LGI2: variants seen among roughly 807,000 people sequenced by gnomAD.
LGI2 encodes leucine rich repeat LGI family member 2, also known as leucine-rich repeat LGI family member 2.
Under a neutral mutation model 52.0 loss-of-function variants are expected in LGI2, and 30 were observed. The ratio of observed to expected loss-of-function variants is 0.58; its 90% CI spans 0.43 to 0.78. The LOEUF is 0.78. LGI2 is among the 30% of genes least tolerant of loss of function. LGI2 has a pLI of 0.00. For synonymous variants in LGI2, 270 were observed against 271.8 expected, an observed-to-expected ratio of 0.99 and a Z score of 0.06; for missense variants, 573 against 692.5, an observed-to-expected ratio of 0.83 and a Z score of 1.94.
intron 3 of LGI2, among the ~76,000 whole-genome samples, chr4:25,025,160 T>C (rs1399098969): frequency 6.6e-6 from 1 of 152,122 alleles, no homozygotes; most frequent in Non-Finnish European, 1.5e-5. Flanking sequence ...AAAAACATCC[T>C]GGGGAGAAAT....
In LGI2 at chr4:25,003,207, T is replaced by C. The variant is rs893645771; in HGVS notation, c.*244A>G. 30 of 421,522 alleles carry C rather than the reference T, an allele frequency of 7.1e-5. No individual in the cohort carries two copies. Among genetic ancestry groups the C allele is most frequent in the African/African-American group, 5.8e-4 (28 of 48,510 alleles). The allele number at this position is 421,522 out of a possible 1,614,324, so 26.1% of individuals were successfully genotyped here. Reference sequence around the variant, plus strand: ...GATGATAAGAGTAAATGCTGTACTCTTTTCTCAGAAATTACAGGCTTTAAG... The same window carrying C: ...GATGATAAGAGTAAATGCTGTACTCCTTTCTCAGAAATTACAGGCTTTAAG... On this transcript the variant is annotated 3_prime_UTR_variant, in exon 8 of 8. Coordinates refer to ENST00000382114, the MANE Select transcript of LGI2 (RefSeq NM_018176.4).
At chr4:25,006,286 C>T (rs761975760) in intron 7 of LGI2, among the ~76,000 whole-genome samples, 5 of 152,268 alleles carry the variant, frequency 3.3e-5, no homozygotes, top group Admixed American at 6.5e-5. Flanking sequence ...CTCCCCATTC[C>T]AGAAGACCAA....
chr4:25,008,123 T>C (rs1385308273), intron 7 of LGI2, among the ~76,000 whole-genome samples: 1 of 152,218 alleles, frequency 6.6e-6, no homozygotes, highest in African/African-American at 2.4e-5. Context: ...CACCACCTTC[T>C]ACCTCCTTCA....
rs528123057 is a variant in LGI2, at chr4:25,003,384, T to G, written c.*67A>C. On this transcript the variant is annotated 3_prime_UTR_variant, in exon 8 of 8. Transcript: ENST00000382114. ...CTGAGCCTGGCTTTGATTTGTTTGT[T>G]GATTTTTCTTGGTCCTCTTTTGTGA... 8.8e-7 allele frequency: 1 copy of G among 1,139,182 alleles called. No individual in the cohort carries two copies. The highest frequency in any genetic ancestry group is 2.4e-5 in the East Asian group (1 of 41,370). The allele number at this position is 1,139,182 out of a possible 1,614,324, so 70.6% of individuals were successfully genotyped here.
Position 25,017,981 on chromosome 4 carries a change from C to T in LGI2, c.655+8G>A, listed in dbSNP as rs776351198. The T allele has an allele frequency of 3.1e-6, 5 of 1,601,870 alleles. No homozygotes were observed. Among genetic ancestry groups the T allele is most frequent in the Non-Finnish European group, 4.3e-6 (5 of 1,175,760 alleles). On this transcript the variant is annotated splice_region_variant and intron_variant, in intron 6 of 7. Coordinates refer to ENST00000382114, the MANE Select transcript of LGI2 (RefSeq NM_018176.4). ...ATATCCGTGTCTGATGAGATAGGCT[C>T]TGAATACCTGTAGTTGTGCATTCAT...
chr4:25,025,855 T>C (rs1726129341), intron 3 of LGI2, among the ~76,000 whole-genome samples: 1 of 152,170 alleles, frequency 6.6e-6, no homozygotes, highest in Admixed American at 6.5e-5. Flanking sequence ...CCAATAACCT[T>C]GACCATAAGA....
At chr4:25,013,579 A>C (rs1026427288) in intron 6 of LGI2, among the ~76,000 whole-genome samples, 2 of 152,226 alleles carry the variant, frequency 1.3e-5, no homozygotes, top group East Asian at 1.9e-4. Flanking sequence ...TGAAAGAAGC[A>C]CTTTTAGTTA....
rs2232025 is a variant in LGI2, at chr4:25,003,832, G to A, written c.1257C>T (p.Asp419=). Residue 419 remains aspartate, a synonymous_variant, in exon 8 of 8, where the codon GAC becomes GAT. Coordinates refer to ENST00000382114, the MANE Select transcript of LGI2 (RefSeq NM_018176.4). ...VPHGDIPNME[D]VLAVKSFRMQ... is the part of the protein sequence containing the mutation. ...TTCGGAAGCTCTTCACAGCCAGTAC[G>A]TCCTCCATGTTGGGGATGTCACCAT... 92,361 of 1,614,100 alleles carry A rather than the reference G, an allele frequency of 0.057. 3,420 individuals carry two copies. The highest frequency in any genetic ancestry group is 0.063 in the Non-Finnish European group (74,734 of 1,180,004).
chr4:25,005,199 G>A (rs954169373), intron 7 of LGI2, among the ~76,000 whole-genome samples: 4 of 152,318 alleles, frequency 2.6e-5, no homozygotes, highest in Middle Eastern at 3.4e-3. Context: ...GATGAAAAGC[G>A]TTTGGACGTT....
chr4:25,030,484 G>A lies in LGI2; in HGVS notation c.197+13C>T. 1 of 1,575,486 alleles carries A rather than the reference G, an allele frequency of 6.3e-7. No homozygotes were observed. Among genetic ancestry groups the A allele is most frequent in the Non-Finnish European group, 8.6e-7 (1 of 1,162,162 alleles). ...GGGCGGGACGGGATGGGGGCTGGAG[G>A]GGTCCCACTCACAGGGAGCTGATGT... On this transcript the variant is annotated intron_variant, in intron 1 of 7. Transcript: ENST00000382114.
intron 7 of LGI2, among the ~76,000 whole-genome samples, chr4:25,010,645 C>A (rs1012957019): frequency 3.3e-5 from 5 of 152,176 alleles, no homozygotes; most frequent in Non-Finnish European, 7.3e-5. Context: ...AGTATGTATG[C>A]CTCCTCTCTC....
Position 25,019,030 on chromosome 4 carries a change from C to T in LGI2, c.485+137G>A, listed in dbSNP as rs147472078. The stretch of plus-strand genomic sequence containing the variant: ...CACAATACAAACTGTATGCTATTTC[C>T]CAGGATGCACTACTTTGTTATAGAT... On this transcript the variant is annotated intron_variant, in intron 5 of 7. Transcript: ENST00000382114. 1.3e-4 allele frequency: 90 copies of T among 682,168 alleles called. No individual in the cohort carries two copies. The African/African-American group carries it at 1.4e-3, about 11-fold the overall frequency. The allele number at this position is 682,168 out of a possible 1,614,324, so 42.3% of individuals were successfully genotyped here. A position where few individuals can be genotyped will look rare whatever the true frequency, so the allele number is the denominator to read the frequency against.
chr4:24,997,988 C>T (rs7698698), downstream of LGI2, among the ~76,000 whole-genome samples: 23,436 of 152,078 alleles, frequency 0.15, 1,840 homozygotes, highest in East Asian at 0.24. Context: ...AGGGATCCTC[C>T]TGCCTCAGCC....
intron 7 of LGI2, among the ~76,000 whole-genome samples, chr4:25,011,657 T>C (rs1222211056): frequency 6.6e-6 from 1 of 152,232 alleles, no homozygotes; most frequent in Non-Finnish European, 1.5e-5. Context: ...ATTAGACCTT[T>C]GTGGCACTGT....
downstream of LGI2, among the ~76,000 whole-genome samples, chr4:24,994,548 C>T (rs1725002430): frequency 1.3e-5 from 2 of 152,142 alleles, no homozygotes; most frequent in African/African-American, 2.4e-5. Flanking sequence ...ACGCTAAAAC[C>T]AATCTCACTC....
chr4:25,000,796 T>C lies in LGI2; in HGVS notation c.*2655A>G, dbSNP rs943437089. 1 of 152,272 alleles carries C rather than the reference T, an allele frequency of 6.6e-6. No homozygotes were observed. The highest frequency in any genetic ancestry group is 2.4e-5 in the African/African-American group (1 of 41,480). 9.4% of individuals were successfully genotyped at this position (152,272 alleles called of 1,614,324 possible). On this transcript the variant is annotated 3_prime_UTR_variant, in exon 8 of 8. Transcript: ENST00000382114. ...GTCCACATATTTCTCTGCTTTGCAT[T>C]TTTGCTGTTGCTTGGTTGGTTTTTT...
chr4:25,022,271 C>G (rs4560399), intron 4 of LGI2, among the ~76,000 whole-genome samples: 1 of 152,000 alleles, frequency 6.6e-6, no homozygotes, highest in Non-Finnish European at 1.5e-5. Context: ...AGATAGAACT[C>G]AATCTGGACT....
intron 6 of LGI2, among the ~76,000 whole-genome samples, chr4:25,017,284 C>T (rs983296738): frequency 2.6e-5 from 4 of 152,100 alleles, no homozygotes; most frequent in African/African-American, 9.6e-5. Context: ...TGGTTCATAC[C>T]TGTAATCCCA....
chr4:25,003,806 A>G lies in LGI2; in HGVS notation c.1283T>C (p.Met428Thr). Residue 428 changes from methionine to threonine, a missense_variant, in exon 8 of 8, where the codon ATG (methionine) becomes ACG (threonine). Transcript: ENST00000382114. ...EDVLAVKSFR[M>T]QNTLYLSLTR... ...AAGGGAAAGGTAGAGGGTATTTTGCATTCGGAAGCTCTTCACAGCCAGTAC... is the reference window on the plus strand; with the variant it reads ...AAGGGAAAGGTAGAGGGTATTTTGCGTTCGGAAGCTCTTCACAGCCAGTAC... 1 of 1,614,186 alleles carries G rather than the reference A, an allele frequency of 6.2e-7. No individual in the cohort carries two copies. The highest frequency in any genetic ancestry group is 8.5e-7 in the Non-Finnish European group (1 of 1,180,034).
Sources: allele counts gnomAD v4.1 joint callset (sites outside exome capture counted in the v4.1 genomes callset), GRCh38; gene constraint gnomAD v4.1.1; transcripts MANE v1.5; gene names NCBI Gene and HGNC (gene_info 2026-07-23, HGNC 2026-07-21).